GABRB1: variants seen among roughly 807,000 people sequenced by gnomAD.
GABRB1 encodes the protein gamma-aminobutyric acid receptor subunit beta-1.
A neutral mutation model predicts 51.6 loss-of-function variants in GABRB1; 17 were observed. That is an observed-to-expected ratio of 0.33 (90% confidence interval 0.23 to 0.49). The LOEUF is 0.49. Ranked by LOEUF, GABRB1 falls within the 20% of genes least tolerant of loss-of-function variation. GABRB1 has a pLI of 0.99. For synonymous variants in GABRB1, 247 were observed against 218.9 expected (o/e 1.13, Z -1.14); for missense variants, 410 against 600.6 (o/e 0.68, Z 3.32).
At chr4:47,329,805 AG>A (rs1725402309) in intron 5 of GABRB1, among the ~76,000 whole-genome samples, 2 of 151,288 alleles carry the variant, frequency 1.3e-5, no homozygotes, top group South Asian at 4.2e-4. Flanking sequence ...AGAGAGAGAA[AG>A]ATAGGTAAAG....
At chr4:47,377,501 A>G (rs963316207) in intron 5 of GABRB1, among the ~76,000 whole-genome samples, 22 of 152,198 alleles carry the variant, frequency 1.4e-4, no homozygotes, top group African/African-American at 5.1e-4. Flanking sequence ...CATAAATCCA[A>G]TGTGGACCCA....
chr4:47,128,935 G>A (rs866811457), intron 3 of GABRB1, among the ~76,000 whole-genome samples: 8 of 152,154 alleles, frequency 5.3e-5, no homozygotes, highest in South Asian at 2.1e-4. Context: ...TGAACAAGTA[G>A]TGACCTACTT....
intron 3 of GABRB1, among the ~76,000 whole-genome samples, chr4:47,089,762 G>C (rs1180888419): frequency 6.6e-6 from 1 of 152,006 alleles, no homozygotes; most frequent in Non-Finnish European, 1.5e-5. Context: ...TAATATATAT[G>C]CCATGGTTAT....
chr4:47,179,517 G>T (rs1233481032), intron 4 of GABRB1, among the ~76,000 whole-genome samples: 1 of 152,042 alleles, frequency 6.6e-6, no homozygotes, highest in African/African-American at 2.4e-5. Context: ...CAATAGCAAA[G>T]ACTTGGAACC....
At chr4:47,106,174 C>T (rs1351419315) in intron 3 of GABRB1, among the ~76,000 whole-genome samples, 1 of 152,016 alleles carries the variant, frequency 6.6e-6, no homozygotes, top group Non-Finnish European at 1.5e-5. Flanking sequence ...TTGATCCATA[C>T]AGCAACATTT....
At chr4:47,052,857 A>T (rs1166065030) in intron 3 of GABRB1, among the ~76,000 whole-genome samples, 1 of 152,252 alleles carries the variant, frequency 6.6e-6, no homozygotes, top group Non-Finnish European at 1.5e-5. Context: ...AAGAAAAAAT[A>T]GAGAGCGAGC....
At chr4:47,377,604 T>C (rs1427275866) in intron 5 of GABRB1, among the ~76,000 whole-genome samples, 3 of 152,128 alleles carry the variant, frequency 2.0e-5, no homozygotes, top group Non-Finnish European at 4.4e-5. Flanking sequence ...CACTGTTGGC[T>C]CAGGCAGCCT....
intron 4 of GABRB1, among the ~76,000 whole-genome samples, chr4:47,211,660 C>T (rs1720365150): frequency 1.3e-5 from 2 of 152,170 alleles, no homozygotes; most frequent in African/African-American, 4.8e-5. Flanking sequence ...TTAAATAACA[C>T]ACATTTCTCA....
chr4:47,201,524 A>G (rs975288081), intron 4 of GABRB1, among the ~76,000 whole-genome samples: 1 of 152,152 alleles, frequency 6.6e-6, no homozygotes, highest in Non-Finnish European at 1.5e-5. Flanking sequence ...GGAAAATTAT[A>G]TAGAACATAC....
In GABRB1 at chr4:47,213,808, T is replaced by C. The variant is rs554760819; in HGVS notation, c.461+52339T>C. On this transcript the variant is annotated intron_variant, in intron 4 of 8. Transcript: ENST00000295454. Reference sequence around the variant, plus strand: ...CAGATGTATGTAGTGATTTGTGTGGTTTAACAAAATTTCTTTTCTGAAACA... The same window carrying C: ...CAGATGTATGTAGTGATTTGTGTGGCTTAACAAAATTTCTTTTCTGAAACA... 3.3e-5 allele frequency among the ~76,000 whole-genome samples: 5 copies of C among 151,740 alleles called. No homozygotes were observed. In the East Asian group the frequency reaches 5.8e-4, roughly 18 times the overall value.
intron 4 of GABRB1, among the ~76,000 whole-genome samples, chr4:47,290,145 G>C (rs1214127847): frequency 5.3e-5 from 8 of 152,162 alleles, no homozygotes; most frequent in Non-Finnish European, 1.0e-4. Context: ...ATACAGTTTG[G>C]CTATGTCTCC....
chr4:47,155,271 A>C (rs1263787029), intron 3 of GABRB1, among the ~76,000 whole-genome samples: 1 of 152,080 alleles, frequency 6.6e-6, no homozygotes, highest in African/African-American at 2.4e-5. Context: ...AGTTTTACGA[A>C]GGGCAGATCT....
intron 4 of GABRB1, among the ~76,000 whole-genome samples, chr4:47,162,477 A>T (rs142679721): frequency 4.4e-4 from 67 of 152,116 alleles, no homozygotes; most frequent in African/African-American, 1.5e-3. Context: ...TTTGCAAGAA[A>T]GAATATGGTT....
chr4:47,389,709 G>A (rs1323923901), intron 5 of GABRB1, among the ~76,000 whole-genome samples: 2 of 152,134 alleles, frequency 1.3e-5, no homozygotes, highest in Non-Finnish European at 2.9e-5. Flanking sequence ...TGCACATCTG[G>A]AGCCACTGGA....
chr4:47,183,638 A>G (rs1719050282), intron 4 of GABRB1, among the ~76,000 whole-genome samples: 1 of 151,520 alleles, frequency 6.6e-6, no homozygotes, highest in Non-Finnish European at 1.5e-5. Context: ...TTTCCTTCCC[A>G]ATTGTTAATT....
At chr4:47,078,514 A>G (rs1727672098) in intron 3 of GABRB1, among the ~76,000 whole-genome samples, 1 of 152,160 alleles carries the variant, frequency 6.6e-6, no homozygotes, top group African/African-American at 2.4e-5. Flanking sequence ...GCAAGGTTGT[A>G]AGGTGAGTGG....
intron 3 of GABRB1, among the ~76,000 whole-genome samples, chr4:47,152,379 T>C (rs962037567): frequency 2.0e-5 from 3 of 151,998 alleles, no homozygotes; most frequent in Non-Finnish European, 4.4e-5. Context: ...TTTCAGGAAC[T>C]CAGAATCTAG....
At chr4:47,327,134 AT>A (rs1273044680) in intron 5 of GABRB1, among the ~76,000 whole-genome samples, 2 of 152,214 alleles carry the variant, frequency 1.3e-5, no homozygotes, top group African/African-American at 4.8e-5. Context: ...ATATCATTTC[AT>A]TTATACATTC....
rs1275795001 is a variant in GABRB1, at chr4:47,080,126, A to G, written c.240+47642A>G. Among the ~76,000 whole-genome samples, 5 of 152,134 alleles carry G rather than the reference A, an allele frequency of 3.3e-5. No homozygotes were observed. In the South Asian group the frequency reaches 6.2e-4, roughly 19 times the overall value. ...GACATTAACCTAGATATTGATGTAA[A>G]TATCTCTAATATCAATCCAGAAATC... On this transcript the variant is annotated intron_variant, in intron 3 of 8. Coordinates refer to ENST00000295454, the MANE Select transcript of GABRB1 (RefSeq NM_000812.4).
Sources: gnomAD v4.1 joint callset for allele counts (sites outside exome capture counted in the v4.1 genomes callset) on GRCh38, gnomAD v4.1.1 for gene constraint, MANE v1.5 for transcripts, NCBI Gene and HGNC (gene_info 2026-07-23, HGNC 2026-07-21) for gene names.